Variants in CDH4 observed in about 807,000 individuals in gnomAD.
CDH4 encodes cadherin 4, also known as cadherin-4.
A neutral mutation model predicts 86.0 loss-of-function variants in CDH4; 33 were observed. That is an observed-to-expected ratio of 0.38 (90% CI 0.29 to 0.51). The LOEUF is 0.51. CDH4 is among the 20% of genes least tolerant of loss of function. The pLI, the probability that CDH4 is intolerant of heterozygous loss-of-function variation, is 0.86. For missense variants in CDH4, 1,114 were observed against 1,307.4 expected (o/e 0.85, Z 2.28); for synonymous variants, 555 against 549.4 (o/e 1.01, Z -0.14).
chr20:61,378,815 G>A (rs1378385142), intron 2 of CDH4, among the ~76,000 whole-genome samples: 3 of 152,294 alleles, frequency 2.0e-5, no homozygotes, highest in Middle Eastern at 3.4e-3. Context: ...GATTCACAGG[G>A]AAATTGCAAA....
At chr20:61,602,101 A>G (rs2427171) in intron 2 of CDH4, among the ~76,000 whole-genome samples, 115,061 of 152,108 alleles carry the variant, frequency 0.76, 43,576 homozygotes, top group Admixed American at 0.79. Flanking sequence ...CCTGGCCCAT[A>G]CTGGGGGCTG....
Position 61,929,731 on chromosome 20 carries a change from G to A in CDH4, c.2128G>A (p.Val710Met). 6.2e-7 allele frequency: 1 copy of A among 1,614,194 alleles called. No individual in the cohort carries two copies. The highest frequency in any genetic ancestry group is 8.5e-7 in the Non-Finnish European group (1 of 1,180,018). ...LSNTSIIKVK[V>M]CPCDDNGDCT... ...CAACACGTCCATCATCAAAGTCAAG[G>A]TGTGCCCATGTGATGACAACGGGGA... Residue 710 changes from valine (V) to methionine (M), a missense_variant, in exon 13 of 16, where the codon GTG becomes ATG. This residue lies in a region of CDH4 where 705 missense variants were observed against 914.1 expected (regional missense o/e 0.77). Coordinates refer to ENST00000614565, the MANE Select transcript of CDH4 (RefSeq NM_001794.5).
chr20:61,457,260 T>C (rs1020471475), intron 2 of CDH4, among the ~76,000 whole-genome samples: 1 of 152,164 alleles, frequency 6.6e-6, no homozygotes, highest in African/African-American at 2.4e-5. Flanking sequence ...CCCCAGTCAC[T>C]TTCTCTGCCC....
intron 2 of CDH4, among the ~76,000 whole-genome samples, chr20:61,273,244 T>A (rs2084195589): frequency 8.8e-6 from 1 of 113,996 alleles, no homozygotes; most frequent in Non-Finnish European, 1.8e-5. Flanking sequence ...GGGAGTACAG[T>A]GTGCAGTTTA....
intron 2 of CDH4, among the ~76,000 whole-genome samples, chr20:61,306,682 C>T (rs112362761): frequency 1.1e-4 from 17 of 152,290 alleles, no homozygotes; most frequent in African/African-American, 3.8e-4. Flanking sequence ...CAAAAGCACA[C>T]AAGTTGTGAG....
chr20:61,461,266 G>A (rs2085440511), intron 2 of CDH4, among the ~76,000 whole-genome samples: 1 of 152,136 alleles, frequency 6.6e-6, no homozygotes, highest in South Asian at 2.1e-4. Flanking sequence ...AAGGAAGACA[G>A]CCTTATGCGT....
At chr20:61,360,886 AGAAGACG>A (rs1437707036) in intron 2 of CDH4, among the ~76,000 whole-genome samples, 1 of 152,226 alleles carries the variant, frequency 6.6e-6, no homozygotes, top group Non-Finnish European at 1.5e-5. Context: ...TCAAACAAAA[AGAAGACG>A]GACTGGTTAT....
chr20:61,266,658 AG>A (rs1470675610), intron 2 of CDH4, among the ~76,000 whole-genome samples: 2 of 151,596 alleles, frequency 1.3e-5, no homozygotes, highest in African/African-American at 4.9e-5. Context: ...GAATTGGGTG[AG>A]GGCCCTTCCT....
At chr20:61,699,232 C>T (rs755898400) in intron 2 of CDH4, among the ~76,000 whole-genome samples, 3 of 152,226 alleles carry the variant, frequency 2.0e-5, no homozygotes, top group Non-Finnish European at 2.9e-5. Flanking sequence ...GTAAAGGTCA[C>T]GGTGGCTGTA....
intron 2 of CDH4, among the ~76,000 whole-genome samples, chr20:61,384,839 A>G (rs1401730491): frequency 6.6e-6 from 1 of 152,120 alleles, no homozygotes; most frequent in Non-Finnish European, 1.5e-5. Context: ...TTTAAACATA[A>G]TAAGCATAGG....
At chr20:61,699,805 G>A (rs80052468) in intron 2 of CDH4, among the ~76,000 whole-genome samples, 233 of 127,222 alleles carry the variant, frequency 1.8e-3, no homozygotes, top group Non-Finnish European at 2.1e-3. Context: ...GGCTTTCACC[G>A]CTGACCCGGG....
intron 2 of CDH4, among the ~76,000 whole-genome samples, chr20:61,288,981 A>AT: frequency 6.6e-6 from 1 of 151,660 alleles, no homozygotes; most frequent in Non-Finnish European, 1.5e-5. Context: ...AGGAAAAAAA[A>AT]TGTTTTTAAG....
chr20:61,659,181 G>A (rs1472305779), intron 2 of CDH4, among the ~76,000 whole-genome samples: 6 of 152,220 alleles, frequency 3.9e-5, no homozygotes, highest in Non-Finnish European at 8.8e-5. Flanking sequence ...CGCCACGTGA[G>A]GCCCTGCACC....
intron 2 of CDH4, among the ~76,000 whole-genome samples, chr20:61,369,198 A>G (rs2084826410): frequency 6.6e-6 from 1 of 152,092 alleles, no homozygotes; most frequent in Non-Finnish European, 1.5e-5. Context: ...CACGCCTGTA[A>G]TCCCAGCACT....
intron 2 of CDH4, among the ~76,000 whole-genome samples, chr20:61,695,686 G>A (rs949950988): frequency 6.6e-6 from 1 of 152,168 alleles, no homozygotes; most frequent in Non-Finnish European, 1.5e-5. Context: ...AAAAATGCAG[G>A]GAGGCAGTCA....
At chr20:61,540,153 A>G (rs1273502390) in intron 2 of CDH4, among the ~76,000 whole-genome samples, 1 of 152,184 alleles carries the variant, frequency 6.6e-6, no homozygotes, top group Non-Finnish European at 1.5e-5. Context: ...GCCTGGCACC[A>G]CATGGACACT....
intron 2 of CDH4, among the ~76,000 whole-genome samples, chr20:61,275,716 G>C (rs1335687407): frequency 6.6e-6 from 1 of 151,724 alleles, no homozygotes; most frequent in East Asian, 1.9e-4. Flanking sequence ...CAGTTTGGGG[G>C]CGTATCATGT....
intron 2 of CDH4, among the ~76,000 whole-genome samples, chr20:61,294,187 T>G (rs2084339284): frequency 6.6e-6 from 1 of 152,132 alleles, no homozygotes; most frequent in African/African-American, 2.4e-5. Flanking sequence ...CCTGCCGGCA[T>G]CATGGGCTGA....
At chr20:61,901,721 G>A (rs2054729049) in intron 8 of CDH4, among the ~76,000 whole-genome samples, 1 of 152,250 alleles carries the variant, frequency 6.6e-6, no homozygotes, top group African/African-American at 2.4e-5. Context: ...GGACCAGCCG[G>A]ACGCTTCTGA....
Sources: allele counts gnomAD v4.1 joint callset (sites outside exome capture counted in the v4.1 genomes callset), GRCh38; gene constraint gnomAD v4.1.1; regional missense constraint gnomAD v4.1.1; transcripts MANE v1.5; gene names NCBI Gene and HGNC (gene_info 2026-07-23, HGNC 2026-07-21).